EPB41L4A: variants seen among roughly 807,000 people sequenced by gnomAD.
The protein encoded by EPB41L4A is erythrocyte membrane protein band 4.1 like 4A, also known as band 4.1-like protein 4A.
EPB41L4A carries 100 observed loss-of-function variants against 108.6 expected under a neutral mutation model. That is an observed-to-expected ratio of 0.92 (90% CI 0.78 to 1.09). The LOEUF is 1.09. Among genes scored for constraint, EPB41L4A ranks in the 50% least tolerant of loss-of-function variants. EPB41L4A has a pLI of 0.00. For synonymous variants in EPB41L4A, 319 were observed against 289.0 expected (o/e 1.10, Z -1.05); for missense variants, 1,030 against 842.7 (o/e 1.22, Z -2.75).
chr5:112,158,930 A>C (rs1201605672), downstream of EPB41L4A, among the ~76,000 whole-genome samples: 1 of 152,228 alleles, frequency 6.6e-6, no homozygotes, highest in African/African-American at 2.4e-5. Context: ...GCATGTTATA[A>C]TCCCCACACT....
chr5:112,369,228 T>C (rs1759329670), intron 1 of EPB41L4A, among the ~76,000 whole-genome samples: 1 of 152,174 alleles, frequency 6.6e-6, no homozygotes, highest in African/African-American at 2.4e-5. Flanking sequence ...CTAAATGCTT[T>C]TGACATCATT....
At chr5:112,199,600 C>A (rs1762123382) in intron 15 of EPB41L4A, among the ~76,000 whole-genome samples, 1 of 152,130 alleles carries the variant, frequency 6.6e-6, no homozygotes. Flanking sequence ...ATTCACAACC[C>A]ATGTGAATCC....
intron 1 of EPB41L4A, among the ~76,000 whole-genome samples, chr5:112,343,348 C>T (rs1362120434): frequency 6.6e-6 from 1 of 152,050 alleles, no homozygotes; most frequent in African/African-American, 2.4e-5. Flanking sequence ...ATCCAGACTG[C>T]CTGGGTTTGA....
At position 112,283,956 on chromosome 5, in the gene EPB41L4A, C is replaced by T. The variant is rs144878556; in HGVS notation, c.205-3633G>A. 4.6e-3 allele frequency among the ~76,000 whole-genome samples: 702 copies of T among 152,250 alleles called. 8 individuals carry two copies. Among genetic ancestry groups the T allele is most frequent in the African/African-American group, 0.016 (665 of 41,542 alleles). On this transcript the variant is annotated intron_variant, in intron 2 of 22. Transcript: ENST00000261486. ...TGTTCAAAAAAACTTTCTCAAAATA[C>T]ATAAATGGGAGATAACAGAGCCTTA...
chr5:112,273,014 A>G (rs1476096836), intron 4 of EPB41L4A, among the ~76,000 whole-genome samples: 1 of 152,214 alleles, frequency 6.6e-6, no homozygotes, highest in African/African-American at 2.4e-5. Flanking sequence ...ATGCTGGCAG[A>G]AGTATGCTCT....
At chr5:112,281,134 G>A (rs111393253) in intron 2 of EPB41L4A, among the ~76,000 whole-genome samples, 1,857 of 152,300 alleles carry the variant, frequency 0.012, 39 homozygotes, top group African/African-American at 0.041. Context: ...GATTAAATAA[G>A]TTAATCCAGG....
intron 2 of EPB41L4A, among the ~76,000 whole-genome samples, chr5:112,281,955 A>T (rs4958031): frequency 0.022 from 3,341 of 151,914 alleles, 147 homozygotes; most frequent in East Asian, 0.12. Flanking sequence ...ACTTTTTTTT[A>T]AAAAAAAGTA....
intron 1 of EPB41L4A, among the ~76,000 whole-genome samples, chr5:112,319,585 A>T (rs1467440717): frequency 1.3e-5 from 2 of 152,224 alleles, no homozygotes. Context: ...TAAAAAATAG[A>T]TAAGATGAAA....
chr5:112,351,057 G>A (rs868563329), intron 1 of EPB41L4A, among the ~76,000 whole-genome samples: 1 of 151,998 alleles, frequency 6.6e-6, no homozygotes, highest in African/African-American at 2.4e-5. Context: ...CTCCAAGGAA[G>A]AGAAAAATCT....
chr5:112,252,199 A>G (rs145441477), intron 9 of EPB41L4A, among the ~76,000 whole-genome samples: 1 of 152,312 alleles, frequency 6.6e-6, no homozygotes, highest in Admixed American at 6.5e-5. Flanking sequence ...CTATGTATCA[A>G]TATGTGTATG....
chr5:112,169,203 T>A, intron 20 of EPB41L4A, 98 bp from the exon 21 acceptor site: 1 of 868,328 alleles, frequency 1.2e-6, no homozygotes, highest in Non-Finnish European at 1.9e-6. Context: ...ATAACAACTT[T>A]CAGAGTTTTA....
intron 12 of EPB41L4A, among the ~76,000 whole-genome samples, chr5:112,152,251 A>G (rs1451311956): frequency 6.6e-6 from 1 of 152,352 alleles, no homozygotes; most frequent in Middle Eastern, 3.4e-3. Context: ...ATAAAATGGT[A>G]GAAATTAAAA....
At chr5:112,144,002 G>A (rs1580312766) in intron 13 of EPB41L4A, 1 of 329,200 alleles carries the variant, frequency 3.0e-6, no homozygotes, top group African/African-American at 2.2e-5. Context: ...TCACTGGACT[G>A]GATCTTTGGA....
chr5:112,306,959 TTAGG>T (rs1430544962), intron 2 of EPB41L4A, among the ~76,000 whole-genome samples: 1 of 152,150 alleles, frequency 6.6e-6, no homozygotes. Context: ...CTTATAAAAC[TTAGG>T]TAGTCACTTT....
At chr5:112,291,718 A>G (rs890122108) in intron 2 of EPB41L4A, among the ~76,000 whole-genome samples, 3 of 152,224 alleles carry the variant, frequency 2.0e-5, no homozygotes, top group Non-Finnish European at 4.4e-5. Flanking sequence ...CAAAGACTCA[A>G]GAGGACTTGG....
intron 1 of EPB41L4A, among the ~76,000 whole-genome samples, chr5:112,345,242 C>T (rs1207839598): frequency 2.6e-5 from 4 of 152,028 alleles, no homozygotes; most frequent in Non-Finnish European, 5.9e-5. Context: ...GACACATACA[C>T]AAAAAATCCA....
intron 1 of EPB41L4A, among the ~76,000 whole-genome samples, chr5:112,310,440 C>T (rs145349088): frequency 1.2e-3 from 176 of 152,322 alleles, no homozygotes; most frequent in African/African-American, 4.1e-3. Context: ...GTTTTGAGAA[C>T]ATGCACCCTG....
At chr5:112,286,114 A>T (rs1753261813) in intron 2 of EPB41L4A, among the ~76,000 whole-genome samples, 1 of 152,032 alleles carries the variant, frequency 6.6e-6, no homozygotes, top group Non-Finnish European at 1.5e-5. Context: ...CCACCAAGAC[A>T]CCCAATTCAT....
chr5:112,340,222 G>A (rs1254952560), intron 1 of EPB41L4A, among the ~76,000 whole-genome samples: 2 of 152,318 alleles, frequency 1.3e-5, no homozygotes, highest in East Asian at 1.9e-4. Flanking sequence ...AAGATTTCTG[G>A]CTCTTATCCA....
Sources: gnomAD v4.1 joint callset for allele counts (sites outside exome capture counted in the v4.1 genomes callset) on GRCh38, gnomAD v4.1.1 for gene constraint, MANE v1.5 for transcripts, NCBI Gene and HGNC (gene_info 2026-07-23, HGNC 2026-07-21) for gene names.